Variants in ZNF845 observed in about 807,000 individuals in gnomAD.
ZNF845 encodes zinc finger protein 845.
ZNF845 carries 59 observed loss-of-function variants against 76.1 expected under a neutral mutation model. That is an observed-to-expected ratio of 0.78 (90% CI 0.63 to 0.96). The LOEUF is 0.96. ZNF845 is among the 40% of genes least tolerant of loss of function. The probability of loss-of-function intolerance (pLI) is 0.00; values close to 1 mark genes in which losing one functional copy is unlikely to be tolerated. For synonymous variants in ZNF845, 361 were observed against 386.9 expected (o/e 0.93, Z 0.78); for missense variants, 1,045 against 1,172.8 (o/e 0.89, Z 1.59).
Position 53,353,832 on chromosome 19 carries a change from A to C in ZNF845, c.*244A>C. The C allele has an allele frequency of 7.1e-7, 1 of 1,417,412 alleles. No homozygotes were observed. Among genetic ancestry groups the C allele is most frequent in the Non-Finnish European group, 9.5e-7 (1 of 1,050,148 alleles). The allele number at this position is 1,417,412 out of a possible 1,614,324, so 87.8% of individuals were successfully genotyped here. On this transcript the variant is annotated 3_prime_UTR_variant, in exon 4 of 4. Transcript: ENST00000458035. ...CATCAGGCAATCCATGGTATAGGGA[A>C]ACTTTACTAATGTAATGATTATCAC...
At chr19:53,336,209 CA>C (rs34338136) in intron 1 of ZNF845, among the ~76,000 whole-genome samples, 39,517 of 112,614 alleles carry the variant, frequency 0.35, 6,006 homozygotes, top group African/African-American at 0.49. Flanking sequence ...GACTCCATCT[CA>C]AAAAAAAAAA....
Position 53,355,805 on chromosome 19 carries a change from G to A in ZNF845, c.*2217G>A, listed in dbSNP as rs1003445528. The A allele has an allele frequency of 6.6e-5, 10 of 151,904 alleles. No individual in the cohort carries two copies. Among genetic ancestry groups the A allele is most frequent in the African/African-American group, 2.4e-4 (10 of 41,348 alleles). The allele number at this position is 151,904 out of a possible 1,614,324, so 9.4% of individuals were successfully genotyped here. A position where few individuals can be genotyped will look rare whatever the true frequency, so the allele number is the denominator to read the frequency against. On this transcript the variant is annotated 3_prime_UTR_variant, in exon 4 of 4. Transcript: ENST00000458035. Reference sequence around the variant, plus strand: ...TTTCATGGATGATTTTTATATTTTTGAGGTAAAACTCTACCTATATTGTTT... The same window carrying A: ...TTTCATGGATGATTTTTATATTTTTAAGGTAAAACTCTACCTATATTGTTT...
chr19:53,341,032 T>A (rs952496606), intron 1 of ZNF845: 3 of 543,164 alleles, frequency 5.5e-6, no homozygotes, highest in South Asian at 5.7e-5. Flanking sequence ...CCTCACCCCC[T>A]CCTCTGGTCC....
chr19:53,349,426 G>C (rs959548826), intron 3 of ZNF845, among the ~76,000 whole-genome samples: 1 of 151,222 alleles, frequency 6.6e-6, no homozygotes, highest in Admixed American at 6.7e-5. Flanking sequence ...CATCACACCC[G>C]GCTAATTTTT....
At chr19:53,348,461 C>G (rs191536294) in intron 3 of ZNF845, among the ~76,000 whole-genome samples, 1 of 152,084 alleles carries the variant, frequency 6.6e-6, no homozygotes, top group Non-Finnish European at 1.5e-5. Context: ...GAACAGGAAA[C>G]GAGCTCTTTA....
Position 53,345,499 on chromosome 19 carries a change from A to C in ZNF845, c.16-7A>C. 2.5e-6 allele frequency: 4 copies of C among 1,613,580 alleles called. No individual in the cohort carries two copies. The highest frequency in any genetic ancestry group is 3.4e-6 in the Non-Finnish European group (4 of 1,179,724). ...AACCATTTCCTTAAAATGTGTTTTC[A>C]TTTCAGGGTCTATTGACATTCAGGG... is the stretch of plus-strand genomic sequence containing the variant. On this transcript the variant is annotated splice_region_variant and splice_polypyrimidine_tract_variant and intron_variant, in intron 2 of 3. Transcript: ENST00000458035.
intron 3 of ZNF845, among the ~76,000 whole-genome samples, chr19:53,349,104 G>T (rs536998325): frequency 1.3e-5 from 2 of 152,030 alleles, no homozygotes; most frequent in South Asian, 4.2e-4. Context: ...GTATCCACCT[G>T]CCTTGGACTC....
intron 2 of ZNF845, among the ~76,000 whole-genome samples, chr19:53,344,041 AT>A (rs1288676428): frequency 1.3e-5 from 2 of 151,442 alleles, no homozygotes; most frequent in Non-Finnish European, 1.5e-5. Flanking sequence ...CAATGGTGAG[AT>A]TTAGGATCAC....
At chr19:53,349,426 G>A (rs959548826) in intron 3 of ZNF845, among the ~76,000 whole-genome samples, 2 of 151,222 alleles carry the variant, frequency 1.3e-5, no homozygotes, top group Non-Finnish European at 2.9e-5. Context: ...CATCACACCC[G>A]GCTAATTTTT....
At position 53,352,597 on chromosome 19, in the gene ZNF845, A is replaced by G. The variant is rs757518631; in HGVS notation, c.1922A>G (p.Asp641Gly). 5.0e-6 allele frequency: 8 copies of G among 1,612,942 alleles called. No individual in the cohort carries two copies. The African/African-American group carries it at 9.4e-5, about 19-fold the overall frequency. The change falls in exon 4 of 4, where the codon GAT becomes GGT. Residue 641 changes from aspartate (D) to glycine (G), a missense_variant. Transcript: ENST00000458035. ...AAACCTTACAAATGTGAAGAATGTG[A>G]TGAAGCTTTCAGTTTCAAATCAAAC... ...GEKPYKCEEC[D>G]EAFSFKSNLQ...
Position 53,354,537 on chromosome 19 carries a change from G to C in ZNF845, c.*949G>C, listed in dbSNP as rs1259340117. The C allele has an allele frequency of 1.9e-5, 3 of 159,870 alleles. No individual in the cohort carries two copies. Among genetic ancestry groups the C allele is most frequent in the African/African-American group, 7.2e-5 (3 of 41,472 alleles). 9.9% of individuals were successfully genotyped at this position (159,870 alleles called of 1,614,324 possible). ...GTATTTTGTTTCTTTAATAAAAACT[G>C]TTACGGGTTTTTATGGGTATCTGTT... is the stretch of plus-strand genomic sequence containing the variant. On this transcript the variant is annotated 3_prime_UTR_variant, in exon 4 of 4. Transcript: ENST00000458035.
rs900282055 is a variant in ZNF845 at position 53,354,340 on chromosome 19, T to C, written c.*752T>C. ...GACTTGAGTTTGAATTGACTTAACATTGAGTTCAAGCATTAATTGACATTA... is the reference window on the plus strand; with the variant it reads ...GACTTGAGTTTGAATTGACTTAACACTGAGTTCAAGCATTAATTGACATTA... On this transcript the variant is annotated 3_prime_UTR_variant, in exon 4 of 4. Coordinates refer to ENST00000458035, the MANE Select transcript of ZNF845 (RefSeq NM_138374.3). The C allele has an allele frequency of 1.1e-5, 4 of 365,386 alleles. No homozygotes were observed. Among genetic ancestry groups the C allele is most frequent in the South Asian group, 6.6e-5 (3 of 45,480 alleles). The allele number at this position is 365,386 out of a possible 1,614,324, so 22.6% of individuals were successfully genotyped here.
At chr19:53,341,063 T>A (rs927149878) in intron 1 of ZNF845, 172 bp from the exon 2 acceptor site, 3 of 652,144 alleles carry the variant, frequency 4.6e-6, no homozygotes, top group Non-Finnish European at 7.5e-6. Context: ...CTCTGCATGC[T>A]TCTTTCTGTT....
At chr19:53,334,272 C>T (rs1169369020) in intron 1 of ZNF845, among the ~76,000 whole-genome samples, 1 of 152,112 alleles carries the variant, frequency 6.6e-6, no homozygotes, top group African/African-American at 2.4e-5. Flanking sequence ...GGTGTTCTTG[C>T]CTGCCCTGCA....
At chr19:53,341,744 G>A (rs2085258556) in intron 2 of ZNF845, among the ~76,000 whole-genome samples, 1 of 152,206 alleles carries the variant, frequency 6.6e-6, no homozygotes, top group East Asian at 1.9e-4. Context: ...CCAATAAGGG[G>A]AAACGTTTTC....
chr19:53,340,232 G>A (rs1391576934), intron 1 of ZNF845, among the ~76,000 whole-genome samples: 1 of 152,048 alleles, frequency 6.6e-6, no homozygotes, highest in Non-Finnish European at 1.5e-5. Flanking sequence ...TTGTATTTTT[G>A]GTAGAGACAG....
At chr19:53,337,247 C>A in intron 1 of ZNF845, 1 of 445,798 alleles carries the variant, frequency 2.2e-6, no homozygotes, top group Non-Finnish European at 4.5e-6. Context: ...CCTTTCTTCT[C>A]CTTCAGGTCT....
chr19:53,341,213 A>G, intron 1 of ZNF845, 22 bp from the exon 2 acceptor site: 2 of 1,549,378 alleles, frequency 1.3e-6, no homozygotes, highest in Non-Finnish European at 1.8e-6. Context: ...TGAGCAATAA[A>G]CAACATATTT....
At chr19:53,346,350 T>C (rs2085296274) in intron 3 of ZNF845, 1 of 429,044 alleles carries the variant, frequency 2.3e-6, no homozygotes. Flanking sequence ...CAGTGCCGTA[T>C]GTGATCTTGG....
Sources: allele counts gnomAD v4.1 joint callset (sites outside exome capture counted in the v4.1 genomes callset), GRCh38; gene constraint gnomAD v4.1.1; transcripts MANE v1.5; gene names NCBI Gene and HGNC (gene_info 2026-07-23, HGNC 2026-07-21).